HEG1: variants seen among roughly 807,000 people sequenced by gnomAD.
HEG1 encodes heart development protein with EGF like domains 1.
Under a neutral mutation model 125.6 loss-of-function variants are expected in HEG1, and 56 were observed. That is an observed-to-expected ratio of 0.45 (90% CI 0.36 to 0.56). The LOEUF is 0.56. Among genes scored for constraint, HEG1 ranks in the 20% least tolerant of loss-of-function variants. The probability of loss-of-function intolerance (pLI) is 0.00; values close to 1 mark genes in which losing one functional copy is unlikely to be tolerated. For synonymous variants in HEG1, 644 were observed against 668.5 expected (o/e 0.96, Z 0.57); for missense variants, 1,523 against 1,670.0 (o/e 0.91, Z 1.53).
chr3:125,048,292 C>G (rs1269108361), intron 1 of HEG1, among the ~76,000 whole-genome samples: 1 of 152,232 alleles, frequency 6.6e-6, no homozygotes, highest in Non-Finnish European at 1.5e-5. Context: ...CAACCAGAGC[C>G]CCATACCATG....
chr3:125,012,407 G>A (rs1937169469), intron 6 of HEG1, among the ~76,000 whole-genome samples: 1 of 152,176 alleles, frequency 6.6e-6, no homozygotes, highest in Non-Finnish European at 1.5e-5. Context: ...CTTTATTCAG[G>A]AAGCATTATA....
At chr3:124,971,503 T>TC (rs1307154746) in intron 16 of HEG1, among the ~76,000 whole-genome samples, 1 of 152,090 alleles carries the variant, frequency 6.6e-6, no homozygotes, top group African/African-American at 2.4e-5. Context: ...TCTTTTTCTT[T>TC]CTTTTTTTAG....
At chr3:125,001,074 T>C (rs972566360) in intron 11 of HEG1, among the ~76,000 whole-genome samples, 2 of 152,184 alleles carry the variant, frequency 1.3e-5, no homozygotes, top group South Asian at 2.1e-4. Context: ...AGAGGCACTA[T>C]AGAAGCTTTT....
chr3:125,019,925 C>A (rs1390519019), intron 4 of HEG1, among the ~76,000 whole-genome samples: 2 of 152,126 alleles, frequency 1.3e-5, no homozygotes, highest in African/African-American at 4.8e-5. Flanking sequence ...TTATGTACAA[C>A]AAATACAATG....
chr3:125,024,082 C>A (rs559786333), intron 3 of HEG1, among the ~76,000 whole-genome samples: 1 of 152,192 alleles, frequency 6.6e-6, no homozygotes, highest in Non-Finnish European at 1.5e-5. Context: ...GTAGCTTAGC[C>A]ACCCACAGAA....
chr3:124,980,828 G>GT (rs1936636150), intron 14 of HEG1, among the ~76,000 whole-genome samples: 1 of 140,702 alleles, frequency 7.1e-6, no homozygotes, highest in Admixed American at 7.2e-5. Context: ...CTGAGGACCA[G>GT]TTTTTGCTTG....
intron 6 of HEG1, among the ~76,000 whole-genome samples, chr3:125,011,946 C>A (rs1240745974): frequency 6.6e-6 from 1 of 152,166 alleles, no homozygotes; most frequent in Non-Finnish European, 1.5e-5. Flanking sequence ...GCAACTTCAA[C>A]GTGGCTACAA....
Position 125,055,628 on chromosome 3 carries a change from C to G in HEG1, c.263G>C (p.Gly88Ala), listed in dbSNP as rs1937920007. The G allele has an allele frequency of 8.3e-7, 1 of 1,202,112 alleles. No homozygotes were observed. The highest frequency in any genetic ancestry group is 1.0e-6 in the Non-Finnish European group (1 of 968,676). The allele number at this position is 1,202,112 out of a possible 1,614,324, so 74.5% of individuals were successfully genotyped here. ...PGPSYRAPEPGAATQRGPSGR... is the reference protein window; with the variant it reads ...PGPSYRAPEPAAATQRGPSGR... ...GGAGGGTCCCCGCTGTGTCGCGGCG[C>G]CTGGCTCAGGGGCCCTGTAGCTGGG... The change falls in exon 1 of 17, where the codon GGC becomes GCC. Residue 88 changes from glycine to alanine, a missense_variant. Coordinates refer to ENST00000311127, the MANE Select transcript of HEG1 (RefSeq NM_020733.2).
intron 16 of HEG1, among the ~76,000 whole-genome samples, chr3:124,972,380 A>G (rs988860214): frequency 6.6e-6 from 1 of 152,206 alleles, no homozygotes; most frequent in African/African-American, 2.4e-5. Flanking sequence ...CAATGCAGAA[A>G]TATCAATGGG....
At chr3:124,990,437 C>A (rs1335345198) in intron 14 of HEG1, among the ~76,000 whole-genome samples, 1 of 151,846 alleles carries the variant, frequency 6.6e-6, no homozygotes, top group Non-Finnish European at 1.5e-5. Context: ...CTCCCAGGTT[C>A]AAGCGATTCT....
intron 3 of HEG1, among the ~76,000 whole-genome samples, 159 bp from the exon 4 acceptor site, chr3:125,021,289 A>C (rs1381352198): frequency 6.6e-6 from 1 of 152,186 alleles, no homozygotes; most frequent in Non-Finnish European, 1.5e-5. Context: ...GCATGCTACC[A>C]GGACACATGC....
intron 1 of HEG1, among the ~76,000 whole-genome samples, chr3:125,045,852 T>C (rs759158451): frequency 2.0e-5 from 3 of 152,184 alleles, no homozygotes; most frequent in East Asian, 1.9e-4. Flanking sequence ...AAAACAGTTA[T>C]CGTCTCCATT....
At chr3:124,988,861 G>T (rs1468237372) in intron 14 of HEG1, among the ~76,000 whole-genome samples, 3 of 152,196 alleles carry the variant, frequency 2.0e-5, no homozygotes, top group Admixed American at 2.0e-4. Flanking sequence ...AGGTTGCAGT[G>T]AGCCGAGATC....
intron 9 of HEG1, among the ~76,000 whole-genome samples, chr3:125,004,055 G>T (rs1937036938): frequency 1.3e-5 from 2 of 152,182 alleles, no homozygotes; most frequent in South Asian, 4.1e-4. Flanking sequence ...GCTCTGCGTG[G>T]ACTCAGGCAA....
intron 5 of HEG1, chr3:125,014,814 G>T (rs1308351419): frequency 7.8e-7 from 1 of 1,289,846 alleles, no homozygotes; most frequent in Non-Finnish European, 1.0e-6. Flanking sequence ...GTGCATGGCC[G>T]CTGCAGGGCT....
chr3:124,992,177 C>T (rs987015300), intron 12 of HEG1, among the ~76,000 whole-genome samples: 7 of 152,074 alleles, frequency 4.6e-5, no homozygotes, highest in African/African-American at 1.2e-4. Flanking sequence ...TAGGGGATTT[C>T]GGACATATCT....
At chr3:124,992,118 T>C (rs1457399275) in intron 12 of HEG1, among the ~76,000 whole-genome samples, 1 of 152,204 alleles carries the variant, frequency 6.6e-6, no homozygotes, top group Non-Finnish European at 1.5e-5. Context: ...GGCACAGTCC[T>C]GGTGTGTACC....
chr3:124,993,815 C>T (rs1936871535), intron 12 of HEG1, among the ~76,000 whole-genome samples: 3 of 152,288 alleles, frequency 2.0e-5, no homozygotes, highest in Non-Finnish European at 2.9e-5. Flanking sequence ...TTGTCCTGCC[C>T]GCGAGCTGAT....
chr3:125,013,690 G>A lies in HEG1; in HGVS notation c.1889C>T (p.Thr630Ile), dbSNP rs1312887250. The change falls in exon 6 of 17, where the codon ACA (threonine) becomes ATA (isoleucine). Residue 630 changes from threonine (T) to isoleucine (I), a missense_variant. By Grantham distance (89) the Thr-to-Ile change is moderately conservative (BLOSUM62 -1). Coordinates refer to ENST00000311127, the MANE Select transcript of HEG1 (RefSeq NM_020733.2). Reference sequence around the variant, plus strand: ...GGGTGTGTAGGACGGAAGGTTGGATGTATGCAGAACTGGCGACTCAGTAGA... The same window carrying A: ...GGGTGTGTAGGACGGAAGGTTGGATATATGCAGAACTGGCGACTCAGTAGA... Reference protein sequence around the residue: ...QPSTESPVLHTSNLPSYTPTI... With the variant: ...QPSTESPVLHISNLPSYTPTI... 6 of 1,613,810 alleles carry A rather than the reference G, an allele frequency of 3.7e-6. No homozygotes were observed. In the African/African-American group the frequency reaches 8.0e-5, roughly 22 times the overall value.
Sources: allele counts gnomAD v4.1 joint callset (sites outside exome capture counted in the v4.1 genomes callset), GRCh38; gene constraint gnomAD v4.1.1; transcripts MANE v1.5; gene names NCBI Gene and HGNC (gene_info 2026-07-23, HGNC 2026-07-21).